Variants in KLRG1 observed in about 807,000 individuals in gnomAD.
KLRG1 encodes killer cell lectin like receptor G1.
In KLRG1, 16 loss-of-function variants were observed where a neutral mutation model predicts 21.8. That is an observed-to-expected ratio of 0.73 (90% CI 0.50 to 1.11). KLRG1 has a LOEUF of 1.11. Among genes scored for constraint, KLRG1 ranks in the 50% most tolerant of loss-of-function variants. The pLI is 0.00. For synonymous variants in KLRG1, 69 were observed against 75.9 expected, an observed-to-expected ratio of 0.91 and a Z score of 0.47; for missense variants, 173 against 218.3, an observed-to-expected ratio of 0.79 and a Z score of 1.31.
the KLRG1 span, among the ~76,000 whole-genome samples, chr12:9,107,911 T>A: frequency 6.6e-6 from 1 of 151,934 alleles, no homozygotes; most frequent in African/African-American, 2.4e-5. Flanking sequence ...GTCTTTCTTA[T>A]TATAAAACTT....
At chr12:8,973,229 G>A (rs1415110876) in intron 1 of KLRG1, among the ~76,000 whole-genome samples, 1 of 149,086 alleles carries the variant, frequency 6.7e-6, no homozygotes, top group Non-Finnish European at 1.5e-5. Flanking sequence ...CATTTAATCT[G>A]TAGATCACTT....
the KLRG1 span, chr12:9,090,027 A>G: frequency 1.9e-6 from 3 of 1,572,880 alleles, no homozygotes; most frequent in Non-Finnish European, 2.6e-6. Context: ...ACATTTCCTG[A>G]AAAAAAAGGC....
At chr12:9,151,864 T>A in the KLRG1 span, among the ~76,000 whole-genome samples, 3 of 152,244 alleles carry the variant, frequency 2.0e-5, no homozygotes, top group Admixed American at 2.0e-4. Flanking sequence ...TCTTTGATAA[T>A]TTTAGTTCAC....
the KLRG1 span, chr12:9,068,126 T>A: frequency 1.3e-6 from 2 of 1,572,034 alleles, no homozygotes; most frequent in South Asian, 1.2e-5. Flanking sequence ...AGGAGAAGGT[T>A]TGGGGGGCAA....
the KLRG1 span, chr12:9,148,904 T>C: frequency 7.3e-7 from 1 of 1,375,088 alleles, no homozygotes; most frequent in East Asian, 2.3e-5. Flanking sequence ...TAGAGACAAA[T>C]AACTCCATTC....
the KLRG1 span, chr12:9,057,599 C>G: frequency 6.6e-6 from 1 of 152,480 alleles, no homozygotes; most frequent in Admixed American, 6.6e-5. Context: ...CTGAGTTTAT[C>G]TAGGATTCTG....
chr12:8,996,810 C>T (rs1245028226), intron 3 of KLRG1, among the ~76,000 whole-genome samples: 1 of 152,148 alleles, frequency 6.6e-6, no homozygotes, highest in Non-Finnish European at 1.5e-5. Flanking sequence ...TGTAGCAACT[C>T]CTATTCTCAT....
the KLRG1 span, chr12:9,196,607 G>A: frequency 6.2e-7 from 1 of 1,613,088 alleles, no homozygotes; most frequent in Non-Finnish European, 8.5e-7. Flanking sequence ...TCCACTCTAA[G>A]CTTCATTTCA....
intron 2 of KLRG1, among the ~76,000 whole-genome samples, chr12:8,994,565 A>G (rs1344071167): frequency 8.5e-5 from 13 of 152,196 alleles, no homozygotes; most frequent in Admixed American, 5.2e-4. Flanking sequence ...CCAGTTTTCA[A>G]TGGTGAGGGA....
chr12:8,962,343 T>TG (rs755822832), intron 1 of KLRG1, among the ~76,000 whole-genome samples: 9 of 152,118 alleles, frequency 5.9e-5, no homozygotes, highest in Non-Finnish European at 1.0e-4. Flanking sequence ...ATATGATGGA[T>TG]GGGATCAACA....
At chr12:9,001,432 T>C (rs752418304) in intron 3 of KLRG1, among the ~76,000 whole-genome samples, 2 of 152,022 alleles carry the variant, frequency 1.3e-5, no homozygotes, top group African/African-American at 2.4e-5. Context: ...CAGCTACAGG[T>C]TTTTCCCCTG....
chr12:9,192,174 T>C, the KLRG1 span: 1 of 1,604,752 alleles, frequency 6.2e-7, no homozygotes, highest in East Asian at 2.2e-5. Flanking sequence ...CAAGGAGAGA[T>C]GAATCTGAGG....
chr12:9,196,604 T>C, the KLRG1 span: 3 of 1,613,138 alleles, frequency 1.9e-6, no homozygotes, highest in South Asian at 3.3e-5. Flanking sequence ...GCTTCCACTC[T>C]AAGCTTCATT....
chr12:9,051,337 G>T, the KLRG1 span, among the ~76,000 whole-genome samples: 3 of 151,816 alleles, frequency 2.0e-5, no homozygotes, highest in African/African-American at 7.2e-5. Flanking sequence ...CCCCTCCAGG[G>T]CTTCCTCTCT....
chr12:9,202,572 A>C, the KLRG1 span: 2 of 1,614,162 alleles, frequency 1.2e-6, no homozygotes, highest in Non-Finnish European at 1.7e-6. Context: ...GACAAAGACC[A>C]GACTTTGGGT....
the KLRG1 span, chr12:9,109,756 G>T: frequency 1.9e-6 from 2 of 1,080,284 alleles, no homozygotes; most frequent in South Asian, 1.8e-5. Context: ...TCTACTCCAA[G>T]CCCAATGTCA....
chr12:8,958,855 TCA>T (rs1946338168), intron 1 of KLRG1, among the ~76,000 whole-genome samples: 1 of 108,370 alleles, frequency 9.2e-6, no homozygotes, highest in Non-Finnish European at 2.1e-5. Context: ...ATACCCTGTA[TCA>T]AAAAAAAAAA....
chr12:9,035,584 A>G, the KLRG1 span, among the ~76,000 whole-genome samples: 3 of 150,930 alleles, frequency 2.0e-5, no homozygotes, highest in Non-Finnish European at 2.9e-5. Flanking sequence ...GTACTCCAGA[A>G]CTTAAAGTAA....
Position 8,959,757 on chromosome 12 carries a change from G to A in KLRG1, c.-156+9521G>A, listed in dbSNP as rs1371626100. ...AGTGTAGAGGACTTACGTGTCTTTC[G>A]TTACATTTGTCCTGAAGTGCTTTAT... is the stretch of plus-strand genomic sequence containing the variant. On this transcript the variant is annotated intron_variant, in intron 1 of 4. Coordinates refer to the KLRG1 transcript ENST00000539240. Among the ~76,000 whole-genome samples the A allele has an allele frequency of 4.6e-5, 7 of 152,036 alleles. No individual in the cohort carries two copies. In the South Asian group the frequency reaches 6.2e-4, roughly 14 times the overall value.
Sources: gnomAD v4.1 joint callset for allele counts (sites outside exome capture counted in the v4.1 genomes callset) on GRCh38, gnomAD v4.1.1 for gene constraint, MANE v1.5 for transcripts, NCBI Gene and HGNC (gene_info 2026-07-23, HGNC 2026-07-21) for gene names.